The following TMEM185A variants were observed in gnomAD, a reference collection of about 807,000 sequenced individuals.
TMEM185A encodes transmembrane protein 185A.
In TMEM185A, 9 loss-of-function variants were observed where a neutral mutation model predicts 25.0. The ratio of observed to expected loss-of-function variants is 0.36; its 90% confidence interval spans 0.22 to 0.63. The LOEUF (loss-of-function observed/expected upper bound fraction) is 0.63, where lower values mean the gene tolerates loss of function less well. TMEM185A is among the 20% of genes least tolerant of loss of function. The probability of loss-of-function intolerance (pLI) is 0.68; values close to 1 mark genes in which losing one functional copy is unlikely to be tolerated. For synonymous variants in TMEM185A, 45 were observed against 93.5 expected, an observed-to-expected ratio of 0.48 and a Z score of 2.99; for missense variants, 103 against 237.4, an observed-to-expected ratio of 0.43 and a Z score of 3.72.
intron 2 of TMEM185A, 73 bp from the exon 3 acceptor site, chrX:149,608,907 T>C: frequency 5.7e-6 from 5 of 876,442 alleles, no homozygotes; most frequent in Non-Finnish European, 6.5e-6. Flanking sequence ...TCAGGGCAAA[T>C]ACCAACTTAT....
chrX:149,630,527 G>T (rs1482299501), intron 1 of TMEM185A, among the ~76,000 whole-genome samples: 6 of 111,935 alleles, frequency 5.4e-5, no homozygotes, highest in African/African-American at 2.0e-4. Flanking sequence ...GCAAATAAGG[G>T]AAACGGATAC....
At chrX:149,616,413 C>G in intron 1 of TMEM185A, among the ~76,000 whole-genome samples, 1 of 111,931 alleles carries the variant, frequency 8.9e-6, no homozygotes. Flanking sequence ...TCTGGAGACT[C>G]TATGGGAGAA....
At chrX:149,629,931 G>C (rs1482498750) in intron 1 of TMEM185A, among the ~76,000 whole-genome samples, 1 of 112,088 alleles carries the variant, frequency 8.9e-6, no homozygotes. Context: ...ACCCCACTGA[G>C]AGATTATACT....
intron 1 of TMEM185A, among the ~76,000 whole-genome samples, chrX:149,612,372 T>C (rs994635439): frequency 8.9e-6 from 1 of 111,910 alleles, no homozygotes; most frequent in East Asian, 2.8e-4. Flanking sequence ...ATATTAAATA[T>C]AAATGGCCAA....
chrX:149,608,481 C>G (rs1210492161), intron 3 of TMEM185A, 146 bp downstream of exon 3: 3 of 518,248 alleles, frequency 5.8e-6, no homozygotes, highest in Non-Finnish European at 9.3e-6. Flanking sequence ...CTGGCGCATG[C>G]CACCACACCC....
At chrX:149,604,156 A>G (rs905590009) in intron 3 of TMEM185A, 86 bp from the exon 4 acceptor site, 2 of 611,771 alleles carry the variant, frequency 3.3e-6, no homozygotes, top group Non-Finnish European at 5.4e-6. Context: ...AAAAGACAAT[A>G]CACATTATAA....
chrX:149,629,222 A>G (rs782670552), intron 1 of TMEM185A, among the ~76,000 whole-genome samples: 9 of 111,673 alleles, frequency 8.1e-5, no homozygotes, highest in African/African-American at 2.9e-4. Context: ...AAGAGAGGGA[A>G]ACATTCCTGG....
intron 3 of TMEM185A, among the ~76,000 whole-genome samples, chrX:149,606,484 C>T (rs1557353514): frequency 8.9e-6 from 1 of 112,734 alleles, no homozygotes; most frequent in African/African-American, 3.2e-5. Context: ...GACGTGGCCC[C>T]TATTTGCCCC....
chrX:149,613,781 A>G (rs892738315), intron 1 of TMEM185A, among the ~76,000 whole-genome samples: 1 of 112,371 alleles, frequency 8.9e-6, no homozygotes, highest in African/African-American at 3.2e-5. Context: ...GTATCTGTGT[A>G]TTTGTGGGGG....
At chrX:149,618,665 T>A (rs1392021458) in intron 1 of TMEM185A, among the ~76,000 whole-genome samples, 1 of 111,792 alleles carries the variant, frequency 8.9e-6, no homozygotes, top group Non-Finnish European at 1.9e-5. Flanking sequence ...ATATGGGTTA[T>A]CCCTATTGGT....
chrX:149,616,460 T>C (rs1677056257), intron 1 of TMEM185A, among the ~76,000 whole-genome samples: 1 of 111,966 alleles, frequency 8.9e-6, no homozygotes, highest in Non-Finnish European at 1.9e-5. Context: ...CAGAGCTGTA[T>C]TCCCTTGGCT....
intron 1 of TMEM185A, among the ~76,000 whole-genome samples, chrX:149,614,107 C>G (rs1175800250): frequency 4.5e-5 from 5 of 111,528 alleles, no homozygotes; most frequent in Non-Finnish European, 9.4e-5. Context: ...GAGTTCCTCC[C>G]AACAAAAGCA....
At chrX:149,628,660 T>C (rs1186739856) in intron 1 of TMEM185A, among the ~76,000 whole-genome samples, 3 of 111,895 alleles carry the variant, frequency 2.7e-5, no homozygotes, top group African/African-American at 9.8e-5. Context: ...TCTGGAGCCA[T>C]GACCCATGCC....
In TMEM185A at chrX:149,628,616, A is replaced by T. The variant is rs147259944; in HGVS notation, c.38+2927T>A. On this transcript the variant is annotated intron_variant, in intron 1 of 6. Transcript: ENST00000600449. Reference sequence around the variant, plus strand: ...GCCTTGCCAACGCAGCAGTGGGTTCAGACTTACCAAGATCCAAAAGGCTGG... The same window carrying T: ...GCCTTGCCAACGCAGCAGTGGGTTCTGACTTACCAAGATCCAAAAGGCTGG... Among the ~76,000 whole-genome samples, 384 of 112,254 alleles carry T rather than the reference A, an allele frequency of 3.4e-3. 3 individuals are homozygous for T. Among genetic ancestry groups the T allele is most frequent in the African/African-American group, 0.012 (376 of 30,880 alleles).
At chrX:149,627,921 T>C (rs893337395) in intron 1 of TMEM185A, among the ~76,000 whole-genome samples, 1 of 112,320 alleles carries the variant, frequency 8.9e-6, no homozygotes, top group African/African-American at 3.2e-5. Context: ...TGAACTATAT[T>C]ACCAGCAATC....
rs146441287 is a variant in TMEM185A, at chrX:149,631,479, G to T, written c.38+64C>A. 5,690 of 1,116,152 alleles carry T rather than the reference G, an allele frequency of 5.1e-3. 20 individuals carry two copies. Among genetic ancestry groups the T allele is most frequent in the African/African-American group, 0.028 (1,458 of 52,201 alleles). The allele number at this position is 1,116,152 out of a possible 1,213,427, so 92.0% of individuals were successfully genotyped here. On this transcript the variant is annotated intron_variant, in intron 1 of 6. Transcript: ENST00000600449. ...TCGCCCGCCGTGCCTCCCCGGAGCC[G>T]AACACCAGCCCGCGCCCGAGCCCGC... is the stretch of plus-strand genomic sequence containing the variant.
chrX:149,622,520 C>T (rs1019216385), intron 1 of TMEM185A, among the ~76,000 whole-genome samples: 3 of 111,767 alleles, frequency 2.7e-5, no homozygotes, highest in African/African-American at 9.8e-5. Context: ...AAGATAATTA[C>T]GTAGCAGAAC....
chrX:149,627,157 G>T (rs939185178), intron 1 of TMEM185A, among the ~76,000 whole-genome samples: 1 of 112,292 alleles, frequency 8.9e-6, no homozygotes, highest in South Asian at 3.8e-4. Context: ...CTGTCTCAGT[G>T]GGGGGAAACC....
chrX:149,631,283 G>A (rs2090190305), intron 1 of TMEM185A, among the ~76,000 whole-genome samples: 1 of 110,462 alleles, frequency 9.1e-6, no homozygotes, highest in Non-Finnish European at 1.9e-5. Flanking sequence ...TTCCCTTGGG[G>A]CAGGACGGGG....
Sources: gnomAD v4.1 joint callset for allele counts (sites outside exome capture counted in the v4.1 genomes callset) on GRCh38, gnomAD v4.1.1 for gene constraint, MANE v1.5 for transcripts, NCBI Gene and HGNC (gene_info 2026-07-23, HGNC 2026-07-21) for gene names.